Variants in CDC123 observed in about 807,000 individuals in gnomAD.
CDC123 encodes cell division cycle 123, also known as translation initiation factor eIF2 assembly protein.
Under a neutral mutation model 54.4 loss-of-function variants are expected in CDC123, and 37 were observed. The observed-to-expected ratio is 0.68, with a 90% confidence interval of 0.52 to 0.89. The LOEUF is 0.89. Among genes scored for constraint, CDC123 ranks in the 40% least tolerant of loss-of-function variants. CDC123 has a pLI of 0.00. For missense variants in CDC123, 361 were observed against 412.1 expected, an observed-to-expected ratio of 0.88 and a Z score of 1.07; for synonymous variants, 144 against 136.8, an observed-to-expected ratio of 1.05 and a Z score of -0.37.
chr10:12,214,053 A>T (rs978443858), intron 4 of CDC123, among the ~76,000 whole-genome samples: 2 of 152,326 alleles, frequency 1.3e-5, no homozygotes, highest in African/African-American at 4.8e-5. Context: ...GACTGTGCAT[A>T]AACTTTTTAT....
chr10:12,197,936 G>C (rs1835387835), intron 1 of CDC123, among the ~76,000 whole-genome samples: 1 of 152,090 alleles, frequency 6.6e-6, no homozygotes. Flanking sequence ...TTGATGTTCT[G>C]TTAACTTCGG....
chr10:12,231,470 C>T (rs1835901354), intron 7 of CDC123, among the ~76,000 whole-genome samples: 2 of 151,830 alleles, frequency 1.3e-5, no homozygotes, highest in Admixed American at 1.3e-4. Flanking sequence ...ACTAAAAATA[C>T]AAAAATTAGC....
In CDC123 at chr10:12,209,957, G is replaced by GT. The variant is rs747514792; in HGVS notation, c.147-3dup. 8 of 1,613,908 alleles carry GT rather than the reference G, an allele frequency of 5.0e-6. No homozygotes were observed. The highest frequency in any genetic ancestry group is 1.1e-5 in the South Asian group (1 of 91,062). Reference sequence around the variant, plus strand: ...CTTTTCTTTCTTGATGTTTGTTTGTGTTTTTTTAGGGATGATCCACCAACA... The same window carrying GT: ...CTTTTCTTTCTTGATGTTTGTTTGTGTTTTTTTTAGGGATGATCCACCAACA... On this transcript the variant is annotated splice_polypyrimidine_tract_variant and intron_variant, in intron 2 of 12. Coordinates refer to ENST00000281141, the MANE Select transcript of CDC123 (RefSeq NM_006023.3).
intron 6 of CDC123, among the ~76,000 whole-genome samples, chr10:12,223,803 G>C (rs898318817): frequency 2.0e-5 from 3 of 152,046 alleles, no homozygotes; most frequent in Non-Finnish European, 2.9e-5. Context: ...TTGCTTCTGA[G>C]TAAAGACAAG....
chr10:12,202,452 A>G (rs1835452004), intron 2 of CDC123, among the ~76,000 whole-genome samples: 1 of 152,068 alleles, frequency 6.6e-6, no homozygotes, highest in South Asian at 2.1e-4. Flanking sequence ...CCAAGAAGCA[A>G]TCGGTTCTGC....
At chr10:12,222,608 C>T (rs534606398) in intron 6 of CDC123, among the ~76,000 whole-genome samples, 1 of 152,158 alleles carries the variant, frequency 6.6e-6, no homozygotes, top group South Asian at 2.1e-4. Flanking sequence ...GCTGAGTAGA[C>T]AAGAAAACAT....
chr10:12,246,429 T>TG (rs1265671747), intron 11 of CDC123, 152 bp downstream of exon 11: 2 of 791,224 alleles, frequency 2.5e-6, no homozygotes, highest in African/African-American at 3.5e-5. Context: ...CTGCCCATGG[T>TG]GGTGGTCAAA....
intron 4 of CDC123, among the ~76,000 whole-genome samples, chr10:12,211,029 T>A (rs916890611): frequency 8.5e-5 from 13 of 152,152 alleles, no homozygotes; most frequent in South Asian, 2.1e-4. Context: ...GCATAAAAAT[T>A]ACTGTTTCTT....
chr10:12,241,823 C>G (rs779843444), intron 10 of CDC123, among the ~76,000 whole-genome samples: 3 of 152,162 alleles, frequency 2.0e-5, no homozygotes, highest in Non-Finnish European at 4.4e-5. Flanking sequence ...TTAGAACTGT[C>G]TCCTCACACT....
Position 12,196,943 on chromosome 10 carries a change from G to C in CDC123, c.74+624G>C, listed in dbSNP as rs190215592. 8.0e-4 allele frequency among the ~76,000 whole-genome samples: 122 copies of C among 152,242 alleles called. 1 individual carries two copies. The highest frequency in any genetic ancestry group is 6.8e-3 in the Middle Eastern group (2 of 294). The stretch of plus-strand genomic sequence containing the variant: ...ATTTCATCTCTCAGTTTTTTTAAAG[G>C]CGTTGATAGAAAATCTGGGCTTTGC... On this transcript the variant is annotated intron_variant, in intron 1 of 12. Coordinates refer to ENST00000281141, the MANE Select transcript of CDC123 (RefSeq NM_006023.3).
chr10:12,201,109 T>C (rs1267154341), intron 2 of CDC123, among the ~76,000 whole-genome samples: 1 of 152,220 alleles, frequency 6.6e-6, no homozygotes, highest in East Asian at 1.9e-4. Flanking sequence ...ATCTTTGCTA[T>C]TTTCTAGCCC....
chr10:12,197,843 A>G (rs924170170), intron 1 of CDC123, among the ~76,000 whole-genome samples: 7 of 152,192 alleles, frequency 4.6e-5, no homozygotes, highest in African/African-American at 7.2e-5. Context: ...TAGCCCATGA[A>G]TACTCTTTTT....
rs571000548 is a variant in CDC123, at chr10:12,223,475, A to G, written c.440+6008A>G. On this transcript the variant is annotated intron_variant, in intron 6 of 12. Transcript: ENST00000281141. ...TAATTTTTGTATTTTTAGTAGAGACAGGGTCTCACCATGTTGGCCAGGCTG... is the reference window on the plus strand; with the variant it reads ...TAATTTTTGTATTTTTAGTAGAGACGGGGTCTCACCATGTTGGCCAGGCTG... Among the ~76,000 whole-genome samples, 6 of 152,150 alleles carry G rather than the reference A, an allele frequency of 3.9e-5. No homozygotes were observed. In the East Asian group the frequency reaches 1.2e-3, roughly 29 times the overall value.
rs149621738 is a variant in CDC123 at position 12,208,398 on chromosome 10, G to A, written c.147-1569G>A. Among the ~76,000 whole-genome samples, 661 of 152,262 alleles carry A rather than the reference G, an allele frequency of 4.3e-3. 3 individuals carry two copies. Among genetic ancestry groups the A allele is most frequent in the Non-Finnish European group, 7.8e-3 (529 of 68,026 alleles). ...AGCCCTTGTGTTGCAGGTGAGCAGTGACTATTTGGGGCCAATGGTGTGGGT... is the reference window on the plus strand; with the variant it reads ...AGCCCTTGTGTTGCAGGTGAGCAGTAACTATTTGGGGCCAATGGTGTGGGT... On this transcript the variant is annotated intron_variant, in intron 2 of 12. Transcript: ENST00000281141.
At chr10:12,238,511 C>G (rs1836008804) in intron 10 of CDC123, 26 bp downstream of exon 10, 1 of 1,605,174 alleles carries the variant, frequency 6.2e-7, no homozygotes. Context: ...TTCTGATATG[C>G]TTTAATATAA....
intron 2 of CDC123, among the ~76,000 whole-genome samples, chr10:12,207,597 G>A (rs1296695970): frequency 6.6e-6 from 1 of 152,132 alleles, no homozygotes; most frequent in African/African-American, 2.4e-5. Flanking sequence ...GATGCCTGAG[G>A]ATGCCAGCAG....
intron 8 of CDC123, among the ~76,000 whole-genome samples, chr10:12,235,706 G>A (rs569785164): frequency 2.6e-5 from 4 of 152,208 alleles, no homozygotes; most frequent in Non-Finnish European, 2.9e-5. Context: ...ACCTAGAAAA[G>A]TGTAATTTGA....
chr10:12,198,305 A>G (rs779632364), intron 1 of CDC123, among the ~76,000 whole-genome samples: 1 of 152,158 alleles, frequency 6.6e-6, no homozygotes, highest in African/African-American at 2.4e-5. Context: ...TCTGCCCTCT[A>G]TCTTTAGAAG....
At chr10:12,201,712 C>T (rs970471106) in intron 2 of CDC123, among the ~76,000 whole-genome samples, 9 of 152,114 alleles carry the variant, frequency 5.9e-5, no homozygotes, top group African/African-American at 1.9e-4. Context: ...CTGAGAACGT[C>T]AGGAAGGCAT....
Sources: gnomAD v4.1 joint callset for allele counts (sites outside exome capture counted in the v4.1 genomes callset) on GRCh38, gnomAD v4.1.1 for gene constraint, MANE v1.5 for transcripts, NCBI Gene and HGNC (gene_info 2026-07-23, HGNC 2026-07-21) for gene names.